The following CCDC148 variants were observed in gnomAD, a reference collection of about 807,000 sequenced individuals.
The protein encoded by CCDC148 is coiled-coil domain-containing protein 148.
Under a neutral mutation model 85.7 loss-of-function variants are expected in CCDC148, and 89 were observed. That is an observed-to-expected ratio of 1.04 (90% CI 0.87 to 1.24). The LOEUF (loss-of-function observed/expected upper bound fraction) is 1.24. CCDC148 is among the 50% of genes most tolerant of loss of function. The pLI is 0.00. For synonymous variants in CCDC148, 230 were observed against 213.9 expected, an observed-to-expected ratio of 1.08 and a Z score of -0.66; for missense variants, 692 against 671.7, an observed-to-expected ratio of 1.03 and a Z score of -0.33.
chr2:158,285,223 G>A (rs1010653836), intron 9 of CCDC148, among the ~76,000 whole-genome samples: 1 of 151,258 alleles, frequency 6.6e-6, no homozygotes, highest in African/African-American at 2.4e-5. Flanking sequence ...CGGAGACAGA[G>A]GTTGCAGCGA....
chr2:158,410,939 T>C (rs1574772991), intron 1 of CCDC148, among the ~76,000 whole-genome samples: 1 of 125,148 alleles, frequency 8.0e-6, no homozygotes, highest in East Asian at 3.2e-4. Flanking sequence ...CTATTCTAAC[T>C]ACTTTATTTT....
At chr2:158,418,942 T>C (rs374524283) in intron 1 of CCDC148, among the ~76,000 whole-genome samples, 3 of 152,158 alleles carry the variant, frequency 2.0e-5, no homozygotes, top group South Asian at 2.1e-4. Flanking sequence ...AAAGAAAGTA[T>C]AAAAATCATC....
At chr2:158,450,174 G>C (rs1688348190) in intron 1 of CCDC148, among the ~76,000 whole-genome samples, 1 of 152,034 alleles carries the variant, frequency 6.6e-6, no homozygotes, top group African/African-American at 2.4e-5. Flanking sequence ...GGATAGAGTG[G>C]GGGCATATAT....
chr2:158,324,350 G>A (rs980796210), intron 7 of CCDC148, among the ~76,000 whole-genome samples: 1 of 152,150 alleles, frequency 6.6e-6, no homozygotes, highest in Non-Finnish European at 1.5e-5. Flanking sequence ...TTTGTGGCCT[G>A]CTTTTTAATT....
intron 9 of CCDC148, among the ~76,000 whole-genome samples, chr2:158,294,548 A>G (rs1438182794): frequency 2.0e-5 from 3 of 152,074 alleles, no homozygotes; most frequent in Non-Finnish European, 2.9e-5. Context: ...CGTATAAAGA[A>G]CTGCCAAGAT....
chr2:158,226,532 T>C (rs1338608936), intron 10 of CCDC148, among the ~76,000 whole-genome samples: 6 of 152,160 alleles, frequency 3.9e-5, no homozygotes, highest in Non-Finnish European at 7.3e-5. Flanking sequence ...ATATCCCTGA[T>C]GAACATCGAT....
intron 1 of CCDC148, among the ~76,000 whole-genome samples, chr2:158,376,110 A>G (rs1333373551): frequency 1.3e-5 from 2 of 152,146 alleles, no homozygotes; most frequent in African/African-American, 4.8e-5. Context: ...CTAGAAAAAC[A>G]CCTATCAATA....
intron 1 of CCDC148, among the ~76,000 whole-genome samples, chr2:158,363,498 G>C (rs1684060412): frequency 6.6e-6 from 1 of 152,140 alleles, no homozygotes; most frequent in Non-Finnish European, 1.5e-5. Flanking sequence ...TGGGATGCAA[G>C]TCTGGTTCAA....
intron 9 of CCDC148, among the ~76,000 whole-genome samples, chr2:158,293,969 C>G (rs2105190839): frequency 5.4e-5 from 2 of 37,312 alleles, no homozygotes; most frequent in Admixed American, 2.7e-4. Context: ...TCCCTCCCTC[C>G]CTCCCCCCCC....
At chr2:158,239,438 C>T (rs1688255302) in intron 10 of CCDC148, among the ~76,000 whole-genome samples, 1 of 151,864 alleles carries the variant, frequency 6.6e-6, no homozygotes, top group Non-Finnish European at 1.5e-5. Context: ...CAGCTGAAAC[C>T]AGAAAAGTGA....
intron 1 of CCDC148, among the ~76,000 whole-genome samples, chr2:158,369,018 A>G (rs1684318240): frequency 6.6e-6 from 1 of 151,992 alleles, no homozygotes; most frequent in Admixed American, 6.6e-5. Flanking sequence ...TAGCATTTAA[A>G]CTCTAAACTG....
At chr2:158,210,031 G>A (rs548610721) in intron 11 of CCDC148, among the ~76,000 whole-genome samples, 7 of 152,220 alleles carry the variant, frequency 4.6e-5, no homozygotes, top group African/African-American at 1.7e-4. Context: ...TGGATAAAGA[G>A]TCACGACCCA....
intron 3 of CCDC148, among the ~76,000 whole-genome samples, chr2:158,342,451 T>C (rs1410301505): frequency 6.6e-6 from 1 of 152,208 alleles, no homozygotes; most frequent in Non-Finnish European, 1.5e-5. Flanking sequence ...CATTTGCAAC[T>C]GTTACATGGA....
intron 1 of CCDC148, among the ~76,000 whole-genome samples, chr2:158,455,064 C>G (rs55873205): frequency 0.2 from 30,021 of 152,154 alleles, 3,857 homozygotes; most frequent in Middle Eastern, 0.34. Context: ...CCATTAGACA[C>G]AACTTTCATT....
intron 7 of CCDC148, among the ~76,000 whole-genome samples, chr2:158,329,494 C>T (rs1042463447): frequency 3.3e-5 from 5 of 152,090 alleles, no homozygotes; most frequent in Non-Finnish European, 5.9e-5. Flanking sequence ...GCGATGTGGG[C>T]TCTTTTTTGG....
At chr2:158,206,209 C>T (rs951657215) in intron 11 of CCDC148, among the ~76,000 whole-genome samples, 3 of 152,164 alleles carry the variant, frequency 2.0e-5, no homozygotes, top group Non-Finnish European at 4.4e-5. Context: ...AGACTCATCG[C>T]TATTCCAATG....
chr2:158,286,070 T>C (rs1559044676), intron 9 of CCDC148, among the ~76,000 whole-genome samples: 1 of 152,126 alleles, frequency 6.6e-6, no homozygotes, highest in Non-Finnish European at 1.5e-5. Context: ...ATTATTAGAA[T>C]TCATAGTACT....
chr2:158,267,822 C>T lies in CCDC148; in HGVS notation c.1111-16910G>A, dbSNP rs74464414. On this transcript the variant is annotated intron_variant, in intron 9 of 13. Coordinates refer to ENST00000283233, the MANE Select transcript of CCDC148 (RefSeq NM_138803.4). ...CCCTATAGTTTTGCCTTTTCTAGAACGTTATATAAAAGGCATTACACAGTA... is the reference window on the plus strand; with the variant it reads ...CCCTATAGTTTTGCCTTTTCTAGAATGTTATATAAAAGGCATTACACAGTA... Among the ~76,000 whole-genome samples, 1,130 of 152,200 alleles carry T rather than the reference C, an allele frequency of 7.4e-3. 19 individuals carry two copies. Among genetic ancestry groups the T allele is most frequent in the African/African-American group, 0.026 (1,076 of 41,534 alleles).
intron 13 of CCDC148, among the ~76,000 whole-genome samples, chr2:158,174,139 G>C (rs1006633703): frequency 7.2e-4 from 110 of 151,936 alleles, no homozygotes; most frequent in African/African-American, 2.3e-3. Flanking sequence ...TTACTACTGG[G>C]TACCAAGAAA....
Sources: gnomAD v4.1 joint callset for allele counts (sites outside exome capture counted in the v4.1 genomes callset) on GRCh38, gnomAD v4.1.1 for gene constraint, MANE v1.5 for transcripts, NCBI Gene and HGNC (gene_info 2026-07-23, HGNC 2026-07-21) for gene names.